Variants in ASCC3 observed in about 807,000 individuals in gnomAD.
The protein encoded by ASCC3 is ASC-1 complex subunit P200.
ASCC3 carries 158 observed loss-of-function variants against 256.3 expected under a neutral mutation model. The ratio of observed to expected loss-of-function variants is 0.62; its 90% CI spans 0.54 to 0.70. ASCC3 has a LOEUF of 0.70. Among genes scored for constraint, ASCC3 ranks in the 30% least tolerant of loss-of-function variants. The pLI, the probability that ASCC3 is intolerant of heterozygous loss-of-function variation, is 0.00. For missense variants in ASCC3, 2,259 were observed against 2,626.0 expected, an observed-to-expected ratio of 0.86 and a Z score of 3.05; for synonymous variants, 948 against 883.4, an observed-to-expected ratio of 1.07 and a Z score of -1.30.
intron 8 of ASCC3, among the ~76,000 whole-genome samples, chr6:100,773,960 T>C (rs1278875961): frequency 1.3e-5 from 2 of 152,112 alleles, no homozygotes; most frequent in African/African-American, 4.8e-5. Flanking sequence ...TTGAAGGTTA[T>C]AGTTCAAGAA....
chr6:100,836,385 T>G (rs561962968), intron 4 of ASCC3, among the ~76,000 whole-genome samples: 6 of 152,132 alleles, frequency 3.9e-5, no homozygotes, highest in Non-Finnish European at 8.8e-5. Flanking sequence ...TATAGGTTTG[T>G]CATATATTAG....
At chr6:100,551,567 A>G (rs1167567679) in intron 36 of ASCC3, among the ~76,000 whole-genome samples, 1 of 152,016 alleles carries the variant, frequency 6.6e-6, no homozygotes, top group African/African-American at 2.4e-5. Context: ...TATAAGTTAT[A>G]TCTACACTGT....
chr6:100,821,819 G>A (rs1365437093), intron 4 of ASCC3, among the ~76,000 whole-genome samples: 2 of 151,246 alleles, frequency 1.3e-5, no homozygotes, highest in Non-Finnish European at 2.9e-5. Context: ...GCGAGACTCC[G>A]ACTCACCAAA....
At chr6:100,830,727 A>G (rs1330428043) in intron 4 of ASCC3, among the ~76,000 whole-genome samples, 1 of 152,272 alleles carries the variant, frequency 6.6e-6, no homozygotes, top group East Asian at 1.9e-4. Context: ...CTTGCTTCAC[A>G]GAAATTCAAT....
rs777273017 is a variant in ASCC3 at position 100,627,862 on chromosome 6, C to G, written c.4501G>C (p.Asp1501His). The change falls in exon 28 of 42, where the codon GAT (aspartate) becomes CAT (histidine). Residue 1501 changes from aspartate (D) to histidine (H), a missense_variant. Physicochemically the swap from Asp to His is moderately conservative, Grantham distance 81. This residue lies in a region of ASCC3 where 1,839 missense variants were observed against 2,206.7 expected (regional missense o/e 0.83). Coordinates refer to ENST00000369162, the MANE Select transcript of ASCC3 (RefSeq NM_006828.4). ...CATACCTGCTTAATATTGAGCCAAT[C>G]AGCAAGGTCTCTGGCATTAGCTAAT... ...TALANARDLA[D>H]WLNIKQMGLF... 7 of 1,613,488 alleles carry G rather than the reference C, an allele frequency of 4.3e-6. No homozygotes were observed. Among genetic ancestry groups the G allele is most frequent in the Non-Finnish European group, 5.9e-6 (7 of 1,179,794 alleles).
At chr6:100,709,766 A>C (rs1778781887) in intron 13 of ASCC3, among the ~76,000 whole-genome samples, 1 of 152,204 alleles carries the variant, frequency 6.6e-6, no homozygotes, top group South Asian at 2.1e-4. Flanking sequence ...TTAAGTTTGA[A>C]GGAGCAAAAT....
Position 100,757,551 on chromosome 6 carries a change from A to G in ASCC3, c.1737+9014T>C, listed in dbSNP as rs149237331. Reference sequence around the variant, plus strand: ...CACTTGGGATAAACTGGGATTTTCAAAAAAGCACAATGAACAAAAAAGGCA... The same window carrying G: ...CACTTGGGATAAACTGGGATTTTCAGAAAAGCACAATGAACAAAAAAGGCA... On this transcript the variant is annotated intron_variant, in intron 10 of 41. Transcript: ENST00000369162. Among the ~76,000 whole-genome samples the G allele has an allele frequency of 3.2e-3, 459 of 144,692 alleles. 6 individuals carry two copies. Among genetic ancestry groups the G allele is most frequent in the South Asian group, 0.022 (93 of 4,318 alleles). The allele number at this position is 144,692 out of a possible 152,430, so 94.9% of individuals were successfully genotyped here.
intron 4 of ASCC3, among the ~76,000 whole-genome samples, chr6:100,808,956 C>T (rs761566377): frequency 6.6e-6 from 1 of 151,746 alleles, no homozygotes; most frequent in Non-Finnish European, 1.5e-5. Flanking sequence ...TATGTAAACA[C>T]GGACAAGATA....
intron 10 of ASCC3, 68 bp downstream of exon 10, chr6:100,766,497 T>C: frequency 2.1e-6 from 3 of 1,450,440 alleles, no homozygotes; most frequent in East Asian, 4.7e-5. Context: ...GATATAGTCA[T>C]TTAATAATTT....
intron 40 of ASCC3, among the ~76,000 whole-genome samples, chr6:100,512,327 T>C (rs2114602326): frequency 6.6e-6 from 1 of 152,248 alleles, no homozygotes; most frequent in South Asian, 2.1e-4. Flanking sequence ...CCCTTAAAAA[T>C]CATGTGGGGC....
chr6:100,795,300 C>A (rs1195247539), intron 8 of ASCC3, among the ~76,000 whole-genome samples: 1 of 151,132 alleles, frequency 6.6e-6, no homozygotes, highest in Non-Finnish European at 1.5e-5. Flanking sequence ...GAAAGCCTAT[C>A]TGGGAATCAG....
intron 36 of ASCC3, among the ~76,000 whole-genome samples, chr6:100,553,715 A>C (rs1769419559): frequency 6.6e-6 from 1 of 152,154 alleles, no homozygotes; most frequent in Non-Finnish European, 1.5e-5. Context: ...AAATAGAATA[A>C]GGAAACATCT....
chr6:100,866,594 T>C (rs1773490526), intron 2 of ASCC3, among the ~76,000 whole-genome samples: 1 of 152,190 alleles, frequency 6.6e-6, no homozygotes, highest in Non-Finnish European at 1.5e-5. Context: ...GGTGATTAAG[T>C]TAAAGCCCTT....
intron 4 of ASCC3, among the ~76,000 whole-genome samples, chr6:100,828,479 T>C (rs1028437310): frequency 2.0e-5 from 3 of 152,126 alleles, no homozygotes; most frequent in Non-Finnish European, 4.4e-5. Context: ...CTCACTGACT[T>C]CGAGAATGAA....
chr6:100,574,818 T>C (rs959541646), intron 36 of ASCC3, among the ~76,000 whole-genome samples: 1 of 152,080 alleles, frequency 6.6e-6, no homozygotes, highest in Non-Finnish European at 1.5e-5. Flanking sequence ...ATATTTGAGA[T>C]TGAGGACTTC....
intron 10 of ASCC3, among the ~76,000 whole-genome samples, chr6:100,739,744 G>A (rs1780340042): frequency 6.6e-6 from 1 of 152,076 alleles, no homozygotes; most frequent in African/African-American, 2.4e-5. Flanking sequence ...ATAGTATTCT[G>A]TGGTGGCTGG....
chr6:100,806,812 A>G (rs1770207180), intron 4 of ASCC3, among the ~76,000 whole-genome samples: 1 of 151,964 alleles, frequency 6.6e-6, no homozygotes, highest in Admixed American at 6.6e-5. Flanking sequence ...TATTAAGAAT[A>G]GTCCTGTCCA....
In ASCC3 at chr6:100,655,760, T is replaced by C. The variant is rs1775885961; in HGVS notation, c.2762A>G (p.Tyr921Cys). The change falls in exon 17 of 42, where the codon TAT becomes TGT. Residue 921 changes from tyrosine to cysteine, a missense_variant. Around this residue, in one of 2 missense-constraint regions of ASCC3, gnomAD observed 1,839 missense variants for 2,206.7 expected, o/e 0.83. Coordinates refer to ENST00000369162, the MANE Select transcript of ASCC3 (RefSeq NM_006828.4). The part of the protein sequence containing the change: ...EEAVKWISYT[Y>C]LYVRMRANPL... The stretch of plus-strand genomic sequence containing the variant: ...ATTTGCTCTCATCCGTACATAAAGA[T>C]AAGTGTAACTTATCCACTTCACTGC... The C allele has an allele frequency of 6.2e-7, 1 of 1,611,782 alleles. No homozygotes were observed. Among genetic ancestry groups the C allele is most frequent in the Non-Finnish European group, 8.5e-7 (1 of 1,178,892 alleles).
At chr6:100,612,842 CAA>C (rs1385954026) in intron 30 of ASCC3, among the ~76,000 whole-genome samples, 6 of 151,868 alleles carry the variant, frequency 4.0e-5, no homozygotes, top group Admixed American at 1.3e-4. Context: ...TTCTGACGCT[CAA>C]AGACAAGCAC....
Sources: allele counts gnomAD v4.1 joint callset (sites outside exome capture counted in the v4.1 genomes callset), GRCh38; gene constraint gnomAD v4.1.1; regional missense constraint gnomAD v4.1.1; transcripts MANE v1.5; gene names NCBI Gene and HGNC (gene_info 2026-07-23, HGNC 2026-07-21).